The following MAF variants were observed in gnomAD, a reference collection of about 807,000 sequenced individuals.
The protein encoded by MAF is MAF bZIP transcription factor, also known as transcription factor Maf.
In MAF, 10 loss-of-function variants were observed where a neutral mutation model predicts 22.0. The ratio of observed to expected loss-of-function variants is 0.45; its 90% CI spans 0.28 to 0.77. The LOEUF (loss-of-function observed/expected upper bound fraction) is 0.77, where lower values mean the gene tolerates loss of function less well. MAF is among the 30% of genes least tolerant of loss of function. MAF has a pLI of 0.12. For missense variants in MAF, 544 were observed against 548.4 expected (o/e 0.99, Z 0.08); for synonymous variants, 337 against 255.8 (o/e 1.32, Z -3.03).
At chr16:79,572,833 GA>G in the MAF span, among the ~76,000 whole-genome samples, 1 of 152,150 alleles carries the variant, frequency 6.6e-6, no homozygotes, top group Non-Finnish European at 1.5e-5. Context: ...GTGCTGTATT[GA>G]ATTAAAATTC....
At chr16:79,419,862 A>G in the MAF span, among the ~76,000 whole-genome samples, 3 of 152,048 alleles carry the variant, frequency 2.0e-5, no homozygotes, top group Non-Finnish European at 4.4e-5. Flanking sequence ...TTACTTTGCA[A>G]ACTTTGCTTT....
chr16:79,268,498 G>T, the MAF span, among the ~76,000 whole-genome samples: 1 of 152,146 alleles, frequency 6.6e-6, no homozygotes, highest in Non-Finnish European at 1.5e-5. Flanking sequence ...AGGCTGGAAC[G>T]TAATATAGGT....
the MAF span, among the ~76,000 whole-genome samples, chr16:79,453,613 G>T: frequency 6.6e-6 from 1 of 152,194 alleles, no homozygotes; most frequent in African/African-American, 2.4e-5. Flanking sequence ...GAGACTGGGG[G>T]ACAGGAAAAT....
chr16:79,545,683 G>C, the MAF span, among the ~76,000 whole-genome samples: 2 of 152,060 alleles, frequency 1.3e-5, no homozygotes, highest in African/African-American at 2.4e-5. Context: ...TTCTATGTAA[G>C]CTATTTTAAA....
chr16:79,485,299 G>GTAAA, the MAF span, among the ~76,000 whole-genome samples: 6 of 152,208 alleles, frequency 3.9e-5, no homozygotes, highest in Admixed American at 2.6e-4. Flanking sequence ...TGTTTGAGGA[G>GTAAA]TAAATATGTT....
chr16:79,553,312 T>G, the MAF span, among the ~76,000 whole-genome samples: 1 of 152,208 alleles, frequency 6.6e-6, no homozygotes, highest in Admixed American at 6.5e-5. Flanking sequence ...TCACAGCAGT[T>G]GGCTGAGTGG....
chr16:79,294,672 A>G, the MAF span, among the ~76,000 whole-genome samples: 1 of 152,236 alleles, frequency 6.6e-6, no homozygotes, highest in Non-Finnish European at 1.5e-5. Flanking sequence ...AATTAGCTTC[A>G]GAGAGCTTAA....
chr16:79,272,582 C>A, the MAF span, among the ~76,000 whole-genome samples: 1 of 152,186 alleles, frequency 6.6e-6, no homozygotes, highest in Non-Finnish European at 1.5e-5. Context: ...GTGGCCCCAC[C>A]CATCTCTGAA....
chr16:79,368,909 T>G, the MAF span, among the ~76,000 whole-genome samples: 1 of 152,218 alleles, frequency 6.6e-6, no homozygotes. Flanking sequence ...TGCTTATATT[T>G]CTTCATTTGA....
At chr16:79,397,750 G>C in the MAF span, among the ~76,000 whole-genome samples, 7 of 152,228 alleles carry the variant, frequency 4.6e-5, no homozygotes, top group African/African-American at 1.4e-4. Context: ...TTGGGGCCAG[G>C]CTGGCTCTAA....
chr16:79,382,358 A>G, the MAF span, among the ~76,000 whole-genome samples: 3 of 152,218 alleles, frequency 2.0e-5, no homozygotes, highest in African/African-American at 7.2e-5. Flanking sequence ...TAGGTTTTAT[A>G]TCAGATCTGT....
At chr16:79,432,479 A>G in the MAF span, among the ~76,000 whole-genome samples, 1 of 152,244 alleles carries the variant, frequency 6.6e-6, no homozygotes, top group Non-Finnish European at 1.5e-5. Context: ...ATAAAATAGA[A>G]CAATTATAAC....
chr16:79,598,150 G>T, intron 1 of MAF: 1 of 1,032,960 alleles, frequency 9.7e-7, no homozygotes, highest in Non-Finnish European at 1.2e-6. Context: ...CTCAGGAGAA[G>T]AAAAAAAAAC....
At chr16:79,421,759 T>C in the MAF span, among the ~76,000 whole-genome samples, 1 of 151,752 alleles carries the variant, frequency 6.6e-6, no homozygotes, top group Non-Finnish European at 1.5e-5. Context: ...TCTCAGCCTC[T>C]TGAGTAGTGA....
chr16:79,498,277 C>T, the MAF span, among the ~76,000 whole-genome samples: 1 of 152,304 alleles, frequency 6.6e-6, no homozygotes, highest in South Asian at 2.1e-4. Context: ...CTTCTCGGCT[C>T]TGGTCGTTGT....
At chr16:79,334,839 G>GTGTGTGTGTGTGTGTGTGTA in the MAF span, among the ~76,000 whole-genome samples, 1 of 116,166 alleles carries the variant, frequency 8.6e-6, no homozygotes, top group Admixed American at 1.1e-4. Context: ...CGTCAATAAA[G>GTGTGTGTGTGTGTGTGTGTA]TGTGTGTGTG....
At chr16:79,257,049 C>T in the MAF span, among the ~76,000 whole-genome samples, 7 of 152,060 alleles carry the variant, frequency 4.6e-5, no homozygotes, top group Non-Finnish European at 7.4e-5. Context: ...TGGTGGTGGG[C>T]GCCTGTAGTC....
the MAF span, among the ~76,000 whole-genome samples, chr16:79,457,263 C>T: frequency 1.3e-5 from 2 of 152,082 alleles, no homozygotes; most frequent in Admixed American, 6.6e-5. Context: ...CTGCCCTCCT[C>T]GTTTCATGGG....
chr16:79,210,445 A>G, the MAF span, among the ~76,000 whole-genome samples: 6 of 152,192 alleles, frequency 3.9e-5, no homozygotes, highest in Admixed American at 3.9e-4. Context: ...GCAGGGGCAG[A>G]AAAATGATAA....
Sources: gnomAD v4.1 joint callset for allele counts (sites outside exome capture counted in the v4.1 genomes callset) on GRCh38, gnomAD v4.1.1 for gene constraint, MANE v1.5 for transcripts, NCBI Gene and HGNC (gene_info 2026-07-23, HGNC 2026-07-21) for gene names.